The following GALE variants were observed in gnomAD, a reference collection of about 807,000 sequenced individuals.
GALE encodes the protein UDP-glucose 4-epimerase.
In GALE, 32 loss-of-function variants were observed where a neutral mutation model predicts 44.1. The ratio of observed to expected loss-of-function variants is 0.73; its 90% CI spans 0.55 to 0.97. The LOEUF is 0.97. Ranked by LOEUF, GALE falls within the 50% of genes least tolerant of loss-of-function variation. GALE has a pLI of 0.00. For synonymous variants in GALE, 182 were observed against 183.5 expected (o/e 0.99, Z 0.06); for missense variants, 423 against 455.6 (o/e 0.93, Z 0.65).
chr1:23,797,840 A>G lies in GALE; in HGVS notation c.383T>C (p.Val128Ala), dbSNP rs201008946. Reference sequence around the variant, plus strand: ...GTACACAGTGGCTGAGCTGCTGAACACCAGGTTCTTCACCCCGTGGGCCTT... The same window carrying G: ...GTACACAGTGGCTGAGCTGCTGAACGCCAGGTTCTTCACCCCGTGGGCCTT... ...IMKAHGVKNLVFSSSATVYGN... is the reference protein window; with the variant it reads ...IMKAHGVKNLAFSSSATVYGN... Residue 128 changes from valine (V) to alanine (A), a missense_variant, in exon 6 of 12, where the codon GTG (valine) becomes GCG (alanine). By Grantham distance (64) the Val-to-Ala change is moderately conservative. Coordinates refer to ENST00000617979, the MANE Select transcript of GALE (RefSeq NM_001008216.2). 6.8e-6 allele frequency: 11 copies of G among 1,614,078 alleles called. No individual in the cohort carries two copies. Among genetic ancestry groups the G allele is most frequent in the Non-Finnish European group, 9.3e-6 (11 of 1,180,038 alleles).
intron 1 of GALE, chr1:23,800,030 C>T (rs957684098): frequency 6.6e-6 from 1 of 152,334 alleles, no homozygotes; most frequent in East Asian, 1.9e-4. Context: ...GTGCCAGGCT[C>T]CGTACCAGGC....
In GALE at chr1:23,798,699, C is replaced by T. The variant is rs970332774; in HGVS notation, c.153G>A (p.Arg51=). The T allele has an allele frequency of 3.1e-6, 5 of 1,613,930 alleles. No individual in the cohort carries two copies. The African/African-American group carries it at 6.7e-5, about 22-fold the overall frequency. The part of the protein sequence containing the change: ...GGGSLPESLR[R]VQELTGRSVE... Reference sequence around the variant, plus strand: ...CAGAGCGGCCTGTCAGCTCCTGGACCCGCCGCAGGCTCTCAGGCAGGGAGC... The same window carrying T: ...CAGAGCGGCCTGTCAGCTCCTGGACTCGCCGCAGGCTCTCAGGCAGGGAGC... Residue 51 remains arginine, a synonymous_variant, in exon 4 of 12, where the codon CGG becomes CGA. Transcript: ENST00000617979. The surrounding 1 kb of genome is among the most constrained non-coding windows in gnomAD (Gnocchi z 4.5).
intron 1 of GALE, chr1:23,800,264 C>T (rs991546833): frequency 1.3e-5 from 2 of 152,978 alleles, no homozygotes; most frequent in Non-Finnish European, 2.9e-5. Context: ...CTCTGCCCGC[C>T]GCGCCGAAGC....
At chr1:23,797,913 A>G (rs1639011551) in intron 5 of GALE, 42 bp from the exon 6 acceptor site, 4 of 1,599,622 alleles carry the variant, frequency 2.5e-6, no homozygotes, top group Middle Eastern at 1.7e-4. Context: ...TGCCTCACAC[A>G]TTACTCCCAC....
rs199614710 is a variant in GALE, at chr1:23,795,999, G to T, written c.997C>A (p.Leu333Ile). The T allele has an allele frequency of 2.9e-4, 466 of 1,613,982 alleles. No individual in the cohort carries two copies. Among genetic ancestry groups the T allele is most frequent in the Non-Finnish European group, 3.8e-4 (446 of 1,180,008 alleles). The change falls in exon 12 of 12, where the codon CTC becomes ATC. Residue 333 changes from leucine (L) to isoleucine (I), a missense_variant. Leu to Ile is a conservative substitution (Grantham distance 5). Coordinates refer to ENST00000617979, the MANE Select transcript of GALE (RefSeq NM_001008216.2). ...GGATTCTGCTTCTGCCAGCGCCAGA[G>T]ATCCTCACCTGCAACACGGCGAGGT... is the stretch of plus-strand genomic sequence containing the variant. ...ALGLDRMCED[L>I]WRWQKQNPSG... is the part of the protein sequence containing the mutation.
In GALE at chr1:23,796,063, C is replaced by T. The variant is rs186060785; in HGVS notation, c.989-56G>A. 5 of 1,606,960 alleles carry T rather than the reference C, an allele frequency of 3.1e-6. No individual in the cohort carries two copies. The African/African-American group carries it at 4.0e-5, about 13-fold the overall frequency. On this transcript the variant is annotated intron_variant, in intron 11 of 11. Coordinates refer to ENST00000617979, the MANE Select transcript of GALE (RefSeq NM_001008216.2). The surrounding 1 kb of genome is among the most constrained non-coding windows in gnomAD (Gnocchi z 5.2). ...CCACGGTGGAATGCAGAGCCTCCCC[C>T]ACCCCACAGCCCGCCCTGGGTGGGC...
At chr1:23,797,623 C>G (rs904125290) in intron 6 of GALE, 72 bp downstream of exon 6, 5 of 1,479,336 alleles carry the variant, frequency 3.4e-6, no homozygotes, top group African/African-American at 1.4e-5. Flanking sequence ...GGAATCCCAC[C>G]CCTGGGCTCA....
chr1:23,797,648 GA>G (rs770221337), intron 6 of GALE, 46 bp downstream of exon 6: 19 of 1,579,916 alleles, frequency 1.2e-5, no homozygotes, highest in African/African-American at 2.7e-5. Flanking sequence ...GGGCCCTGAG[GA>G]GTCCATCGAT....
intron 6 of GALE, 132 bp from the exon 7 acceptor site, chr1:23,797,279 GC>G: frequency 1.4e-6 from 1 of 697,872 alleles, no homozygotes; most frequent in Non-Finnish European, 2.5e-6. Context: ...GAGTGTAGTG[GC>G]CTGATTTGGC....
rs200085462 is a variant in GALE, at chr1:23,796,647, C to G, written c.795+50G>C. 74 of 1,614,060 alleles carry G rather than the reference C, an allele frequency of 4.6e-5. No homozygotes were observed. In the African/African-American group the frequency reaches 9.2e-4, roughly 20 times the overall value. On this transcript the variant is annotated intron_variant, in intron 9 of 11. Coordinates refer to ENST00000617979, the MANE Select transcript of GALE (RefSeq NM_001008216.2). The surrounding 1 kb of genome is among the most constrained non-coding windows in gnomAD (Gnocchi z 5.2). ...GGACTGACCACGCCTCTGGGCCGCT[C>G]TGCCTGGATCTGGTCCCTCCCCTCC...
At position 23,796,241 on chromosome 1, in the gene GALE, G is replaced by A. The variant is rs727503942; in HGVS notation, c.898C>T (p.Arg300Trp). ...KKIPYKVVAR[R>W]EGDVAACYAN... ...TAACAGGCTGCCACATCACCTTCCCGCCGTGCCACCACCTTGTACGGGATC... is the reference window on the plus strand; with the variant it reads ...TAACAGGCTGCCACATCACCTTCCCACCGTGCCACCACCTTGTACGGGATC... The change falls in exon 11 of 12, where the codon CGG (arginine) becomes TGG (tryptophan). Residue 300 changes from arginine (R) to tryptophan (W), a missense_variant. Transcript: ENST00000617979. The surrounding 1 kb of genome is among the most constrained non-coding windows in gnomAD (Gnocchi z 5.2). The A allele has an allele frequency of 8.1e-6, 13 of 1,613,966 alleles. No individual in the cohort carries two copies. The highest frequency in any genetic ancestry group is 1.3e-5 in the African/African-American group (1 of 74,906).
chr1:23,798,833 G>T lies in GALE; in HGVS notation c.121+54C>A. 1.2e-6 allele frequency: 2 copies of T among 1,613,868 alleles called. No homozygotes were observed. On this transcript the variant is annotated intron_variant, in intron 3 of 11. Transcript: ENST00000617979. This position sits in a 1 kb window ranked among gnomAD's most constrained non-coding sequence, Gnocchi z 4.5. ...CGCCCGGTGGTGGAGGTGGAACCCA[G>T]GGTTTTGCTTCTGCCATCCCCTCAA...
At position 23,795,698 on chromosome 1, in the gene GALE, C is replaced by T; in HGVS notation, c.*251G>A. 3.4e-6 allele frequency: 2 copies of T among 592,610 alleles called. No homozygotes were observed. The highest frequency in any genetic ancestry group is 2.8e-5 in the East Asian group (1 of 35,630). The allele number at this position is 592,610 out of a possible 1,614,324, so 36.7% of individuals were successfully genotyped here. A position where few individuals can be genotyped will look rare whatever the true frequency, so the allele number is the denominator to read the frequency against. On this transcript the variant is annotated 3_prime_UTR_variant, in exon 12 of 12. Coordinates refer to ENST00000617979, the MANE Select transcript of GALE (RefSeq NM_001008216.2). ...GGGAGGAGGAGGTTTTGTGCCAGAGCCTTGCCCCCTCACTCACTCTTGGGG... is the reference window on the plus strand; with the variant it reads ...GGGAGGAGGAGGTTTTGTGCCAGAGTCTTGCCCCCTCACTCACTCTTGGGG...
In GALE at chr1:23,797,707, G is replaced by A. The variant is rs1160209672; in HGVS notation, c.516C>T (p.Cys172=). 1 of 1,614,110 alleles carries A rather than the reference G, an allele frequency of 6.2e-7. No homozygotes were observed. Among genetic ancestry groups the A allele is most frequent in the Non-Finnish European group, 8.5e-7 (1 of 1,179,982 alleles). Residue 172 remains cysteine (C), a synonymous_variant, in exon 6 of 12, where the codon TGC becomes TGT. Coordinates refer to ENST00000617979, the MANE Select transcript of GALE (RefSeq NM_001008216.2). ...FFIEEMIRDL[C]QADKTWNAVL... ...AGGGGGCCCTCACCTTGTCTGCCTGGCACAGGTCCCGGATCATTTCCTCGA... is the reference window on the plus strand; with the variant it reads ...AGGGGGCCCTCACCTTGTCTGCCTGACACAGGTCCCGGATCATTTCCTCGA...
In GALE at chr1:23,796,976, T is replaced by A. The variant is rs200509458; in HGVS notation, c.643-34A>T. The A allele has an allele frequency of 2.5e-6, 4 of 1,610,196 alleles. No homozygotes were observed. Among genetic ancestry groups the A allele is most frequent in the Non-Finnish European group, 3.4e-6 (4 of 1,178,140 alleles). On this transcript the variant is annotated intron_variant, in intron 7 of 11. Coordinates refer to ENST00000617979, the MANE Select transcript of GALE (RefSeq NM_001008216.2). This position sits in a 1 kb window ranked among gnomAD's most constrained non-coding sequence, Gnocchi z 5.2. ...GGAGATCAGGTCAGTTCGTCCCAGA[T>A]CCCAGGCACCAGCTTTAACCCCAGG...
rs1638999308 is a variant in GALE at position 23,797,549 on chromosome 1, G to A, written c.528+146C>T. 22 of 782,700 alleles carry A rather than the reference G, an allele frequency of 2.8e-5. 2 individuals carry two copies. The South Asian group carries it at 3.2e-4, about 11-fold the overall frequency. The allele number at this position is 782,700 out of a possible 1,614,324, so 48.5% of individuals were successfully genotyped here. ...GTCTATTTATTATCTTTAGAAACAA[G>A]CAGGGGATGGGGCCCTCCACTGCAA... On this transcript the variant is annotated intron_variant, in intron 6 of 11. Transcript: ENST00000617979.
At position 23,796,678 on chromosome 1, in the gene GALE, T is replaced by G. The variant is rs1638966386; in HGVS notation, c.795+19A>C. 4.3e-6 allele frequency: 7 copies of G among 1,613,594 alleles called. No homozygotes were observed. The highest frequency in any genetic ancestry group is 1.7e-5 in the Admixed American group (1 of 59,898). On this transcript the variant is annotated intron_variant, in intron 9 of 11. Transcript: ENST00000617979. This position sits in a 1 kb window ranked among gnomAD's most constrained non-coding sequence, Gnocchi z 5.2. ...GGATCTGGTCCCTCCCCTCCCTCAC[T>G]TCTCCCTTCTCTTCCTACCCGGCAG... is the stretch of plus-strand genomic sequence containing the variant.
Position 23,796,459 on chromosome 1 carries a change from AGAGCTGGGTGGGGT to A in GALE, c.873+36_873+49del, listed in dbSNP as rs774877359. The A allele has an allele frequency of 2.4e-6, 3 of 1,275,596 alleles. No individual in the cohort carries two copies. In the South Asian group the frequency reaches 3.5e-5, roughly 15 times the overall value. The allele number at this position is 1,275,596 out of a possible 1,614,324, so 79.0% of individuals were successfully genotyped here. A position where few individuals can be genotyped will look rare whatever the true frequency, so the allele number is the denominator to read the frequency against. ...AAGGGCCAAAGCTGCTCTGTTGCTG[AGAGCTGGGTGGGGT>A]GAGGTGGGTGAGGTGGGTGGGGCGG... On this transcript the variant is annotated intron_variant, in intron 10 of 11. Coordinates refer to ENST00000617979, the MANE Select transcript of GALE (RefSeq NM_001008216.2). The surrounding 1 kb of genome is among the most constrained non-coding windows in gnomAD (Gnocchi z 5.2).
intron 7 of GALE, 31 bp downstream of exon 7, chr1:23,797,003 C>G (rs1263507178): frequency 6.2e-7 from 1 of 1,606,782 alleles, no homozygotes; most frequent in Non-Finnish European, 8.5e-7. Context: ...AACCCCAGGG[C>G]CACTCCTCTG....
Sources: allele counts gnomAD v4.1 joint callset, GRCh38; gene constraint gnomAD v4.1.1; non-coding constraint Gnocchi (gnomAD v3.1); transcripts MANE v1.5; gene names NCBI Gene and HGNC (gene_info 2026-07-23, HGNC 2026-07-21).